ARHGEF18: variants seen among roughly 807,000 people sequenced by gnomAD.
ARHGEF18 encodes the protein rho guanine nucleotide exchange factor 18.
In ARHGEF18, 93 loss-of-function variants were observed where a neutral mutation model predicts 155.7. The observed-to-expected ratio is 0.60, with a 90% CI of 0.50 to 0.71. The LOEUF is 0.71. ARHGEF18 is among the 30% of genes least tolerant of loss of function. ARHGEF18 has a pLI of 0.00. For missense variants in ARHGEF18, 1,593 were observed against 1,816.1 expected (o/e 0.88, Z 2.23); for synonymous variants, 742 against 753.1 (o/e 0.99, Z 0.24).
chr19:7,364,664 G>A (rs1969807044), intron 2 of ARHGEF18, among the ~76,000 whole-genome samples: 1 of 152,218 alleles, frequency 6.6e-6, no homozygotes, highest in Non-Finnish European at 1.5e-5. Context: ...AAGTCCTGAT[G>A]GTGTGTGGCT....
chr19:7,439,698 C>T (rs1974502517), intron 10 of ARHGEF18: 3 of 1,252,718 alleles, frequency 2.4e-6, no homozygotes, highest in South Asian at 2.5e-5. Flanking sequence ...AAACACCATG[C>T]CCTGCCATCT....
chr19:7,425,065 A>G (rs1361666727), intron 10 of ARHGEF18, among the ~76,000 whole-genome samples: 2 of 151,776 alleles, frequency 1.3e-5, no homozygotes, highest in Non-Finnish European at 2.9e-5. Context: ...AGCCCTTATC[A>G]GTATTTCCCG....
intron 23 of ARHGEF18, 82 bp from the exon 24 acceptor site, chr19:7,466,836 A>AAGG: frequency 4.6e-6 from 5 of 1,094,026 alleles, no homozygotes; most frequent in African/African-American, 3.6e-5. Context: ...AGTTAAAAAA[A>AAGG]AAGAAGAAGA....
chr19:7,362,143 G>A (rs192368745), intron 1 of ARHGEF18, among the ~76,000 whole-genome samples: 1 of 29,366 alleles, frequency 3.4e-5, no homozygotes, highest in African/African-American at 3.4e-4. Flanking sequence ...GAAGGAGAAG[G>A]AGAAGGAGAA....
chr19:7,432,667 C>A (rs1159927208), intron 10 of ARHGEF18, among the ~76,000 whole-genome samples: 1 of 152,134 alleles, frequency 6.6e-6, no homozygotes, highest in Non-Finnish European at 1.5e-5. Flanking sequence ...TAGTCCTTTG[C>A]AGAAAACTGG....
chr19:7,368,301 T>C (rs1237417636), intron 2 of ARHGEF18, among the ~76,000 whole-genome samples: 1 of 151,912 alleles, frequency 6.6e-6, no homozygotes, highest in Non-Finnish European at 1.5e-5. Context: ...GGGGATCCCA[T>C]CCCCCAAGGC....
rs1977016533 is a variant in ARHGEF18 at position 7,471,477 on chromosome 19, TTGG to T, written c.*1184_*1186del. On this transcript the variant is annotated 3_prime_UTR_variant, in exon 29 of 29. Transcript: ENST00000668164. The surrounding 1 kb of genome is among the most constrained non-coding windows in gnomAD (Gnocchi z 4.4). ...CAAGCCTTGTTCTGCACCCCAAGCA[TTGG>T]TGGTAGGACTGGGTCCTGGCTGATC... The T allele has an allele frequency of 6.6e-6, 1 of 152,240 alleles. No homozygotes were observed. The highest frequency in any genetic ancestry group is 2.1e-4 in the South Asian group (1 of 4,828). The allele number at this position is 152,240 out of a possible 1,614,324, so 9.4% of individuals were successfully genotyped here.
At chr19:7,474,454 C>T (rs1288657017), downstream of ARHGEF18, among the ~76,000 whole-genome samples, 2 of 152,178 alleles carry the variant, frequency 1.3e-5, no homozygotes, top group Non-Finnish European at 2.9e-5. Context: ...TCTTGACTCA[C>T]TGCAACCGCC....
At chr19:7,474,733 T>G (rs1430744238), downstream of ARHGEF18, among the ~76,000 whole-genome samples, 4 of 138,200 alleles carry the variant, frequency 2.9e-5, no homozygotes, top group East Asian at 8.4e-4. Flanking sequence ...CAGTTGCTAT[T>G]CTCCTGATGG....
chr19:7,397,765 C>G (rs138306641), intron 10 of ARHGEF18, among the ~76,000 whole-genome samples: 2 of 151,798 alleles, frequency 1.3e-5, no homozygotes, highest in South Asian at 4.2e-4. Flanking sequence ...TGTGGGGTCT[C>G]GCTATGTTGC....
rs182455409 is a variant in ARHGEF18 at position 7,368,724 on chromosome 19, C to T, written c.16-4088C>T. On this transcript the variant is annotated intron_variant, in intron 2 of 28. Transcript: ENST00000668164. ...AAAACCAGAGACACAAAAAAACCTT[C>T]GGGGGCTGCGACAGAAAAGACAGTA... is the stretch of plus-strand genomic sequence containing the variant. Among the ~76,000 whole-genome samples, 219 of 152,194 alleles carry T rather than the reference C, an allele frequency of 1.4e-3. 1 individual carries two copies. The highest frequency in any genetic ancestry group is 0.012 in the Admixed American group (188 of 15,254).
intron 11 of ARHGEF18, 84 bp from the exon 12 acceptor site, chr19:7,441,569 A>T: frequency 1.0e-6 from 1 of 964,724 alleles, no homozygotes; most frequent in Non-Finnish European, 1.7e-6. Flanking sequence ...AATCGGATGG[A>T]GTCACCGATG....
At position 7,372,914 on chromosome 19, in the gene ARHGEF18, GC is replaced by G; in HGVS notation, c.122del (p.Pro41LeufsTer75). ...SEYLQDLGLG[A>X]PSHSQPGETP... ...GTATCTGCAGGACCTGGGCCTTGGG[GC>G]CCCTTCCCACAGCCAGCCTGGGGAG... On this transcript the variant is annotated frameshift_variant, in exon 3 of 29. Coordinates refer to ENST00000668164, the MANE Select transcript of ARHGEF18 (RefSeq NM_001367823.1). LOFTEE classifies it high-confidence loss of function. The G allele has an allele frequency of 8.1e-7, 1 of 1,234,506 alleles. No homozygotes were observed. The highest frequency in any genetic ancestry group is 1.0e-6 in the Non-Finnish European group (1 of 988,252). 76.5% of individuals were successfully genotyped at this position (1,234,506 alleles called of 1,614,324 possible). A position where few individuals can be genotyped will look rare whatever the true frequency, so the allele number is the denominator to read the frequency against.
At chr19:7,458,186 CTGAGG>C (rs1363757624) in intron 18 of ARHGEF18, among the ~76,000 whole-genome samples, 1 of 150,236 alleles carries the variant, frequency 6.7e-6, no homozygotes, top group African/African-American at 2.5e-5. Flanking sequence ...ACTCAGGAGG[CTGAGG>C]TGGGAGGATC....
chr19:7,457,091 C>T (rs919515965), intron 18 of ARHGEF18, among the ~76,000 whole-genome samples: 1 of 152,108 alleles, frequency 6.6e-6, no homozygotes, highest in African/African-American at 2.4e-5. Context: ...AAACAAAGTA[C>T]CATGGACTGG....
downstream of ARHGEF18, chr19:7,473,476 C>T (rs1977124339): frequency 5.6e-6 from 2 of 358,588 alleles, no homozygotes; most frequent in Non-Finnish European, 1.1e-5. Context: ...TCAAGACCAG[C>T]CTGGGCAACA....
intron 2 of ARHGEF18, among the ~76,000 whole-genome samples, chr19:7,363,841 AG>A (rs1268122619): frequency 6.7e-6 from 1 of 150,248 alleles, no homozygotes; most frequent in African/African-American, 2.5e-5. Context: ...GATGAGAAGA[AG>A]GGTGAGTGAA....
chr19:7,381,216 C>T (rs1431243641), intron 8 of ARHGEF18, among the ~76,000 whole-genome samples: 2 of 151,222 alleles, frequency 1.3e-5, no homozygotes, highest in East Asian at 1.9e-4. Context: ...AGGGTTCTGA[C>T]GGAAGAGTAG....
chr19:7,449,345 A>C (rs1034668931), intron 15 of ARHGEF18, among the ~76,000 whole-genome samples: 1 of 152,082 alleles, frequency 6.6e-6, no homozygotes, highest in African/African-American at 2.4e-5. Context: ...AGGCCAAGGC[A>C]GGCGGATCAC....
Sources: gnomAD v4.1 joint callset for allele counts (sites outside exome capture counted in the v4.1 genomes callset) on GRCh38, gnomAD v4.1.1 for gene constraint, Gnocchi (gnomAD v3.1) non-coding constraint, MANE v1.5 for transcripts, NCBI Gene and HGNC (gene_info 2026-07-23, HGNC 2026-07-21) for gene names.